RAB6B: variants seen among roughly 807,000 people sequenced by gnomAD.
RAB6B encodes RAB6B, member RAS oncogene family, also known as ras-related protein Rab-6B.
RAB6B carries 7 observed loss-of-function variants against 31.2 expected under a neutral mutation model. The ratio of observed to expected loss-of-function variants is 0.22; its 90% CI spans 0.13 to 0.42. RAB6B has a LOEUF of 0.42. Ranked by LOEUF, RAB6B falls within the 10% of genes least tolerant of loss-of-function variation. The pLI, the probability that RAB6B is intolerant of heterozygous loss-of-function variation, is 1.00. For missense variants in RAB6B, 149 were observed against 280.6 expected, an observed-to-expected ratio of 0.53 and a Z score of 3.35; for synonymous variants, 105 against 104.9, an observed-to-expected ratio of 1.00 and a Z score of -0.01.
At chr3:133,830,955 A>G (rs1039566960) in intron 7 of RAB6B, among the ~76,000 whole-genome samples, 10 of 152,202 alleles carry the variant, frequency 6.6e-5, no homozygotes, top group Admixed American at 5.2e-4. Flanking sequence ...ACGTCTGAAG[A>G]CATTGCCAAA....
At chr3:133,864,133 TGC>T (rs1297601186) in intron 2 of RAB6B, among the ~76,000 whole-genome samples, 9 of 123,716 alleles carry the variant, frequency 7.3e-5, no homozygotes, top group African/African-American at 2.3e-4. Flanking sequence ...TGTGTGTGTG[TGC>T]GCGCGTGTGT....
At chr3:133,837,761 T>TA (rs1225203943) in intron 6 of RAB6B, among the ~76,000 whole-genome samples, 1 of 152,224 alleles carries the variant, frequency 6.6e-6, no homozygotes, top group Non-Finnish European at 1.5e-5. Context: ...GAGCACTTGC[T>TA]AAGCGCAAGG....
intron 2 of RAB6B, among the ~76,000 whole-genome samples, chr3:133,857,775 C>T (rs1936102761): frequency 6.6e-6 from 1 of 152,222 alleles, no homozygotes; most frequent in Admixed American, 6.5e-5. Flanking sequence ...ATTGATGGCA[C>T]TGATATTCTT....
intron 2 of RAB6B, 133 bp downstream of exon 2, chr3:133,864,451 G>T: frequency 1.2e-6 from 1 of 859,106 alleles, no homozygotes; most frequent in Non-Finnish European, 2.0e-6. Context: ...CAGTATAGAG[G>T]TGGGAAGCTC....
intron 2 of RAB6B, among the ~76,000 whole-genome samples, chr3:133,848,367 A>G (rs1181625371): frequency 6.6e-6 from 1 of 152,156 alleles, no homozygotes; most frequent in Non-Finnish European, 1.5e-5. Context: ...TAGTTTAGAC[A>G]CTGAACTTCT....
intron 1 of RAB6B, among the ~76,000 whole-genome samples, chr3:133,887,333 C>G (rs73217263): frequency 2.4e-4 from 37 of 152,200 alleles, no homozygotes; most frequent in Admixed American, 7.2e-4. Flanking sequence ...GCCCCTCCCC[C>G]ACATTGTGCC....
chr3:133,895,683 G>T lies in RAB6B; in HGVS notation c.-217C>A. The T allele has an allele frequency of 1.7e-6, 1 of 582,276 alleles. No individual in the cohort carries two copies. The highest frequency in any genetic ancestry group is 3.1e-5 in the Admixed American group (1 of 31,968). 36.1% of individuals were successfully genotyped at this position (582,276 alleles called of 1,614,324 possible). On this transcript the variant is annotated 5_prime_UTR_variant, in exon 1 of 8. Coordinates refer to ENST00000285208, the MANE Select transcript of RAB6B (RefSeq NM_016577.4). ...AGGAGGAGAGAGAGGCGGAGGCGGAGGAAGGCTGGGGCTGGGCTGCTGCGG... is the reference window on the plus strand; with the variant it reads ...AGGAGGAGAGAGAGGCGGAGGCGGATGAAGGCTGGGGCTGGGCTGCTGCGG...
intron 1 of RAB6B, among the ~76,000 whole-genome samples, chr3:133,884,218 A>G (rs767781393): frequency 2.6e-5 from 4 of 152,278 alleles, no homozygotes; most frequent in Non-Finnish European, 5.9e-5. Flanking sequence ...CTGCCTATGC[A>G]GAAGAACAGG....
intron 6 of RAB6B, among the ~76,000 whole-genome samples, chr3:133,836,016 G>A (rs549377591): frequency 6.6e-6 from 1 of 152,344 alleles, no homozygotes; most frequent in East Asian, 1.9e-4. Context: ...GTGAATTGCA[G>A]GAACTGGGTG....
intron 2 of RAB6B, among the ~76,000 whole-genome samples, chr3:133,843,604 T>C (rs1935867669): frequency 6.6e-6 from 1 of 152,204 alleles, no homozygotes; most frequent in African/African-American, 2.4e-5. Context: ...GGACTGCTGG[T>C]TGTCCCCAGT....
chr3:133,858,627 T>C (rs1207924770), intron 2 of RAB6B, among the ~76,000 whole-genome samples: 1 of 152,242 alleles, frequency 6.6e-6, no homozygotes, highest in Non-Finnish European at 1.5e-5. Context: ...GCCACCCTAA[T>C]AATCTCATTT....
chr3:133,853,210 T>G (rs1438921611), intron 2 of RAB6B, among the ~76,000 whole-genome samples: 1 of 152,104 alleles, frequency 6.6e-6, no homozygotes, highest in African/African-American at 2.4e-5. Flanking sequence ...CAGGCCACAG[T>G]GTGTACTGAT....
At chr3:133,834,681 GCC>G (rs1935706662) in intron 6 of RAB6B, 40 bp from the exon 7 acceptor site, 11 of 1,587,838 alleles carry the variant, frequency 6.9e-6, no homozygotes, top group African/African-American at 1.3e-5. Context: ...CCCAACCCTG[GCC>G]CTCCCCTCTG....
At chr3:133,843,527 G>C (rs1935866965) in intron 2 of RAB6B, among the ~76,000 whole-genome samples, 1 of 152,212 alleles carries the variant, frequency 6.6e-6, no homozygotes, top group Non-Finnish European at 1.5e-5. Flanking sequence ...CCCCAGGAGT[G>C]ACATGCTCCT....
intron 6 of RAB6B, among the ~76,000 whole-genome samples, chr3:133,835,660 T>A (rs183609609): frequency 1.3e-5 from 2 of 152,060 alleles, no homozygotes; most frequent in Non-Finnish European, 2.9e-5. Flanking sequence ...CAAATTCCTA[T>A]GTTGAAACAG....
intron 2 of RAB6B, among the ~76,000 whole-genome samples, chr3:133,850,598 T>A (rs1935970065): frequency 6.6e-6 from 1 of 151,886 alleles, no homozygotes; most frequent in African/African-American, 2.4e-5. Flanking sequence ...TGAAAATAGA[T>A]CATATAAATT....
chr3:133,861,593 G>A (rs909483167), intron 2 of RAB6B, among the ~76,000 whole-genome samples: 1 of 152,146 alleles, frequency 6.6e-6, no homozygotes, highest in Admixed American at 6.5e-5. Context: ...AGGGTTAAAC[G>A]CCCCCTCCCT....
chr3:133,881,105 C>T (rs1051290528), intron 1 of RAB6B, among the ~76,000 whole-genome samples: 21 of 152,282 alleles, frequency 1.4e-4, no homozygotes, highest in African/African-American at 4.3e-4. Context: ...AGGGGAGCTG[C>T]GTCAATGTCC....
In RAB6B at chr3:133,828,450, A is replaced by C. The variant is rs1237531906; in HGVS notation, c.*338T>G. 2.5e-6 allele frequency: 1 copy of C among 398,912 alleles called. No homozygotes were observed. Among genetic ancestry groups the C allele is most frequent in the Non-Finnish European group, 4.5e-6 (1 of 222,454 alleles). The allele number at this position is 398,912 out of a possible 1,614,324, so 24.7% of individuals were successfully genotyped here. On this transcript the variant is annotated 3_prime_UTR_variant, in exon 8 of 8. Transcript: ENST00000285208. The stretch of plus-strand genomic sequence containing the variant: ...TTACAAATATACAAAAACAAAAAGC[A>C]CATCTTTCAAATAAAAATGACTACA...
Sources: allele counts gnomAD v4.1 joint callset (sites outside exome capture counted in the v4.1 genomes callset), GRCh38; gene constraint gnomAD v4.1.1; transcripts MANE v1.5; gene names NCBI Gene and HGNC (gene_info 2026-07-23, HGNC 2026-07-21).